IL7: variants seen among roughly 807,000 people sequenced by gnomAD.
IL7 encodes interleukin-7.
In IL7, 3 loss-of-function variants were observed where a neutral mutation model predicts 21.6. The ratio of observed to expected loss-of-function variants is 0.14; its 90% CI spans 0.06 to 0.36. The LOEUF (loss-of-function observed/expected upper bound fraction) is 0.36, where lower values mean the gene tolerates loss of function less well. IL7 is among the 10% of genes least tolerant of loss of function. The pLI, the probability that IL7 is intolerant of heterozygous loss-of-function variation, is 1.00. For missense variants in IL7, 175 were observed against 200.2 expected (o/e 0.87, Z 0.76); for synonymous variants, 62 against 68.1 (o/e 0.91, Z 0.44).
chr8:78,727,957 G>T (rs1401874686), downstream of IL7, among the ~76,000 whole-genome samples: 1 of 151,808 alleles, frequency 6.6e-6, no homozygotes, highest in Admixed American at 6.6e-5. Flanking sequence ...ACAAAAGTGA[G>T]TCATTCTTAT....
At chr8:78,772,337 A>AT (rs759376368) in intron 2 of IL7, among the ~76,000 whole-genome samples, 4 of 152,196 alleles carry the variant, frequency 2.6e-5, no homozygotes, top group Middle Eastern at 3.2e-3. Context: ...CCCTGACCAC[A>AT]TGACATAGCC....
intron 2 of IL7, among the ~76,000 whole-genome samples, chr8:78,742,636 T>G (rs1168675709): frequency 6.6e-6 from 1 of 152,186 alleles, no homozygotes; most frequent in Admixed American, 6.5e-5. Context: ...TTGACTATAT[T>G]TTATCTTTAT....
chr8:78,712,798 C>G (rs1282737221), intron 3 of IL7, among the ~76,000 whole-genome samples: 2 of 152,030 alleles, frequency 1.3e-5, no homozygotes, highest in Non-Finnish European at 2.9e-5. Flanking sequence ...AAATTAGGGC[C>G]TAAAAATTAA....
rs370123596 is a variant in IL7 at position 78,675,911 on chromosome 8, G to A, written n.467C>T. ...TTTATGGTTTTACAGATCTGTAATT[G>A]TTCAATAATTCTGGTCAATTCTCAT... is the stretch of plus-strand genomic sequence containing the variant. On this transcript the variant is annotated non_coding_transcript_exon_variant, in exon 5 of 5. Transcript: ENST00000523959. 1,002 of 1,509,410 alleles carry A rather than the reference G, an allele frequency of 6.6e-4. 10 individuals are homozygous for A. In the South Asian group the frequency reaches 8.6e-3, roughly 13 times the overall value. The allele number at this position is 1,509,410 out of a possible 1,614,324, so 93.5% of individuals were successfully genotyped here. A position where few individuals can be genotyped will look rare whatever the true frequency, so the allele number is the denominator to read the frequency against.
chr8:78,748,381 C>A (rs1812053320), intron 2 of IL7, among the ~76,000 whole-genome samples: 1 of 152,056 alleles, frequency 6.6e-6, no homozygotes, highest in Non-Finnish European at 1.5e-5. Flanking sequence ...TCTAGAAATA[C>A]ATGAATAGAT....
At chr8:78,754,358 G>T (rs2130742904) in intron 2 of IL7, among the ~76,000 whole-genome samples, 1 of 152,242 alleles carries the variant, frequency 6.6e-6, no homozygotes, top group South Asian at 2.1e-4. Flanking sequence ...TCTTGAAGGA[G>T]AACTACAAAC....
At chr8:78,797,292 A>G (rs1335084376) in intron 2 of IL7, among the ~76,000 whole-genome samples, 2 of 151,956 alleles carry the variant, frequency 1.3e-5, no homozygotes, top group Non-Finnish European at 2.9e-5. Flanking sequence ...GGAGATTTTT[A>G]CCATATGATT....
At chr8:78,697,080 C>T (rs972267078) in intron 3 of IL7, among the ~76,000 whole-genome samples, 2 of 152,140 alleles carry the variant, frequency 1.3e-5, no homozygotes, top group Non-Finnish European at 2.9e-5. Context: ...TTAATCTATA[C>T]TTCCTCAATT....
rs527462589 is a variant in IL7 at position 78,692,026 on chromosome 8, A to AT, written n.215-6080dup. On this transcript the variant is annotated intron_variant and non_coding_transcript_variant, in intron 3 of 4. Coordinates refer to the IL7 transcript ENST00000523959. ...CATACTATCACCTCAAGTACTTACCATTTTTTGTGGTAAGAACATTTGAAA... is the reference window on the plus strand; with the variant it reads ...CATACTATCACCTCAAGTACTTACCATTTTTTTGTGGTAAGAACATTTGAAA... Among the ~76,000 whole-genome samples the AT allele has an allele frequency of 1.8e-4, 27 of 152,258 alleles. No individual in the cohort carries two copies. The East Asian group carries it at 5.2e-3, about 29-fold the overall frequency.
At chr8:78,789,927 T>C (rs1307884230) in intron 2 of IL7, among the ~76,000 whole-genome samples, 1 of 152,160 alleles carries the variant, frequency 6.6e-6, no homozygotes, top group Non-Finnish European at 1.5e-5. Context: ...TTGACTATTA[T>C]GCATGAGGTG....
chr8:78,687,748 TTATATATATTTACGTAAGACATTA>T (rs1372436834), intron 3 of IL7, among the ~76,000 whole-genome samples: 3 of 59,712 alleles, frequency 5.0e-5, no homozygotes, highest in Non-Finnish European at 6.9e-5. Context: ...ATGTAATACA[TTATATATATTTACGTAAGACATTA>T]TATATATATT....
intron 2 of IL7, among the ~76,000 whole-genome samples, chr8:78,796,224 G>T (rs556099737): frequency 6.6e-5 from 10 of 151,910 alleles, no homozygotes; most frequent in African/African-American, 9.7e-5. Context: ...TTATAGTAAG[G>T]TTGCAGGACA....
intron 3 of IL7, chr8:78,697,609 A>C: frequency 1.2e-6 from 1 of 802,782 alleles, no homozygotes; most frequent in South Asian, 1.8e-5. Context: ...TAGATTTATA[A>C]TTAAGAAGAG....
chr8:78,791,322 T>A (rs897009841), intron 2 of IL7, among the ~76,000 whole-genome samples: 19 of 152,226 alleles, frequency 1.2e-4, no homozygotes, highest in Admixed American at 6.5e-5. Context: ...TGGAAAGATG[T>A]TTTAAACAGA....
intron 2 of IL7, among the ~76,000 whole-genome samples, chr8:78,771,540 T>G (rs375833874): frequency 6.6e-6 from 1 of 152,094 alleles, no homozygotes; most frequent in African/African-American, 2.4e-5. Flanking sequence ...ACATGAAGAT[T>G]AATGCCACAT....
At chr8:78,790,234 C>T (rs1189507511) in intron 2 of IL7, among the ~76,000 whole-genome samples, 1 of 152,102 alleles carries the variant, frequency 6.6e-6, no homozygotes, top group African/African-American at 2.4e-5. Flanking sequence ...TTTCTAGCAG[C>T]CTTTATATTT....
intron 3 of IL7, among the ~76,000 whole-genome samples, chr8:78,688,064 A>G (rs1810084124): frequency 6.6e-6 from 1 of 150,540 alleles, no homozygotes; most frequent in Non-Finnish European, 1.5e-5. Context: ...GGCAGGCTGG[A>G]TTTGGCCCAT....
At chr8:78,676,069 G>T in exon 5 of IL7, 2 of 355,802 alleles carry the variant, frequency 5.6e-6, no homozygotes, top group Non-Finnish European at 1.0e-5. Context: ...GAACTCTTCT[G>T]TTAAAGTTTA....
intron 1 of IL7, among the ~76,000 whole-genome samples, chr8:78,802,179 C>T (rs979136358): frequency 1.3e-5 from 2 of 152,110 alleles, no homozygotes; most frequent in African/African-American, 4.8e-5. Context: ...ACATTCAATC[C>T]TCAGCTGCTT....
Sources: allele counts gnomAD v4.1 joint callset (sites outside exome capture counted in the v4.1 genomes callset), GRCh38; gene constraint gnomAD v4.1.1; transcripts MANE v1.5; gene names NCBI Gene and HGNC (gene_info 2026-07-23, HGNC 2026-07-21).